SLC6A11: variants seen among roughly 807,000 people sequenced by gnomAD.
The protein encoded by SLC6A11 is sodium- and chloride-dependent GABA transporter 3.
A neutral mutation model predicts 74.8 loss-of-function variants in SLC6A11; 25 were observed. The observed-to-expected ratio is 0.33, with a 90% CI of 0.24 to 0.47. The LOEUF (loss-of-function observed/expected upper bound fraction) is 0.47. Ranked by LOEUF, SLC6A11 falls within the 20% of genes least tolerant of loss-of-function variation. The probability of loss-of-function intolerance (pLI) is 1.00; values close to 1 mark genes in which losing one functional copy is unlikely to be tolerated. For missense variants in SLC6A11, 574 were observed against 837.0 expected (o/e 0.69, Z 3.88); for synonymous variants, 330 against 330.2 (o/e 1.00, Z 0.01).
At position 10,938,367 on chromosome 3, in the gene SLC6A11, A is replaced by G; in HGVS notation, c.1864A>G (p.Ile622Val). 2 of 1,609,974 alleles carry G rather than the reference A, an allele frequency of 1.2e-6. No individual in the cohort carries two copies. The highest frequency in any genetic ancestry group is 8.5e-7 in the Non-Finnish European group (1 of 1,176,756). ...CDAKLKSDGTIAAITEKETHF is the reference protein window; with the variant it reads ...CDAKLKSDGTVAAITEKETHF ...TGCCAAACTCAAGAGTGACGGGACCATCGCAGCCATCACAGAGAAGGAGAC... is the reference window on the plus strand; with the variant it reads ...TGCCAAACTCAAGAGTGACGGGACCGTCGCAGCCATCACAGAGAAGGAGAC... The change falls in exon 14 of 14, where the codon ATC (isoleucine) becomes GTC (valine). Residue 622 changes from isoleucine to valine, a missense_variant. Physicochemically the swap from Ile to Val is conservative, Grantham distance 29. This residue lies in a region of SLC6A11 where 257 missense variants were observed against 341.5 expected (regional missense o/e 0.75). Coordinates refer to ENST00000254488, the MANE Select transcript of SLC6A11 (RefSeq NM_014229.3).
chr3:10,910,552 AG>A (rs1695372783), intron 6 of SLC6A11, among the ~76,000 whole-genome samples: 3 of 152,142 alleles, frequency 2.0e-5, no homozygotes, highest in African/African-American at 7.2e-5. Flanking sequence ...ACTGGTGGTA[AG>A]CAAGCAGAGA....
chr3:10,889,560 G>A (rs971623632), intron 6 of SLC6A11, among the ~76,000 whole-genome samples: 35 of 152,248 alleles, frequency 2.3e-4, no homozygotes, highest in African/African-American at 7.7e-4. Context: ...CTTTTCAGAG[G>A]AGCTTCTGTC....
chr3:10,900,216 G>A (rs1463578745), intron 6 of SLC6A11, among the ~76,000 whole-genome samples: 1 of 152,186 alleles, frequency 6.6e-6, no homozygotes, highest in Non-Finnish European at 1.5e-5. Flanking sequence ...TCGGAGCCAG[G>A]TGTCCTGTCC....
intron 5 of SLC6A11, among the ~76,000 whole-genome samples, chr3:10,858,337 C>G (rs916488927): frequency 6.6e-6 from 1 of 152,148 alleles, no homozygotes; most frequent in Admixed American, 6.5e-5. Context: ...GCTTCTCACT[C>G]GAATAATTAT....
intron 6 of SLC6A11, among the ~76,000 whole-genome samples, chr3:10,901,530 A>T (rs1695240196): frequency 2.0e-5 from 3 of 152,224 alleles, no homozygotes; most frequent in African/African-American, 7.2e-5. Context: ...TTGGCACCAG[A>T]GCGAGAGGCT....
chr3:10,844,315 G>A lies in SLC6A11; in HGVS notation c.725G>A (p.Cys242Tyr), dbSNP rs1412730686. 6.2e-7 allele frequency: 1 copy of A among 1,614,072 alleles called. No homozygotes were observed. Among genetic ancestry groups the A allele is most frequent in the Admixed American group, 1.7e-5 (1 of 60,012 alleles). Residue 242 changes from cysteine (C) to tyrosine (Y), a missense_variant, in exon 5 of 14, where the codon TGT becomes TAT. By Grantham distance (194) the Cys-to-Tyr change is radical. Around this residue, in one of 4 missense-constraint regions of SLC6A11, gnomAD observed 215 missense variants for 357.9 expected, o/e 0.60. Transcript: ENST00000254488. ...GCAGCCTGGACCATCTGTTACTTCT[G>A]TATCTGGAAGGGGACCAAGTCTACA... ...LLAAWTICYF[C>Y]IWKGTKSTGK... is the part of the protein sequence containing the mutation.
At chr3:10,890,013 A>G (rs1235610085) in intron 6 of SLC6A11, among the ~76,000 whole-genome samples, 4 of 152,208 alleles carry the variant, frequency 2.6e-5, no homozygotes, top group African/African-American at 7.2e-5. Flanking sequence ...CATAAACCAC[A>G]TATGTCTATT....
At position 10,816,287 on chromosome 3, in the gene SLC6A11, C is replaced by T; in HGVS notation, c.22C>T (p.Pro8Ser). 1 of 1,384,588 alleles carries T rather than the reference C, an allele frequency of 7.2e-7. No homozygotes were observed. The highest frequency in any genetic ancestry group is 9.3e-7 in the Non-Finnish European group (1 of 1,070,372). The allele number at this position is 1,384,588 out of a possible 1,614,324, so 85.8% of individuals were successfully genotyped here. MTAEKAL[P>S]LGNGKAAEEA... ...GGCCATGACGGCGGAGAAGGCGCTGCCCCTGGGCAATGGGAAGGCTGCTGA... is the reference window on the plus strand; with the variant it reads ...GGCCATGACGGCGGAGAAGGCGCTGTCCCTGGGCAATGGGAAGGCTGCTGA... The change falls in exon 1 of 14, where the codon CCC becomes TCC. Residue 8 changes from proline to serine, a missense_variant. Coordinates refer to ENST00000254488, the MANE Select transcript of SLC6A11 (RefSeq NM_014229.3). The surrounding 1 kb of genome is among the most constrained non-coding windows in gnomAD (Gnocchi z 4.2).
intron 8 of SLC6A11, among the ~76,000 whole-genome samples, chr3:10,919,818 C>G (rs187470845): frequency 2.6e-5 from 4 of 152,238 alleles, no homozygotes; most frequent in East Asian, 3.9e-4. Context: ...TTTTTGCTAC[C>G]CCCATTTTAC....
In SLC6A11 at chr3:10,927,113, C is replaced by T. The variant is rs140288739; in HGVS notation, c.1233+997C>T. ...CCCCACAGCCAGTATATCTGTCAAG[C>T]CAGCCAAGTCCAATTCAATTTCTTC... On this transcript the variant is annotated intron_variant, in intron 9 of 13. Coordinates refer to ENST00000254488, the MANE Select transcript of SLC6A11 (RefSeq NM_014229.3). Among the ~76,000 whole-genome samples, 5 of 152,370 alleles carry T rather than the reference C, an allele frequency of 3.3e-5. No individual in the cohort carries two copies. In the East Asian group the frequency reaches 9.7e-4, roughly 29 times the overall value.
At chr3:10,908,384 G>A (rs1306568716) in intron 6 of SLC6A11, among the ~76,000 whole-genome samples, 1 of 152,166 alleles carries the variant, frequency 6.6e-6, no homozygotes, top group Non-Finnish European at 1.5e-5. Flanking sequence ...TGTCAGAAAA[G>A]GGGAGGATTA....
At chr3:10,908,575 GCCTCCT>G (rs1469978779) in intron 6 of SLC6A11, among the ~76,000 whole-genome samples, 1 of 152,118 alleles carries the variant, frequency 6.6e-6, no homozygotes, top group African/African-American at 2.4e-5. Flanking sequence ...CAAAAGGTGT[GCCTCCT>G]CCAGGCAGCC....
chr3:10,826,640 G>A (rs904286611), intron 4 of SLC6A11, among the ~76,000 whole-genome samples: 3 of 152,146 alleles, frequency 2.0e-5, no homozygotes, highest in African/African-American at 4.8e-5. Flanking sequence ...TCATTGCCAG[G>A]CTATGGAAGG....
At position 10,939,005 on chromosome 3, in the gene SLC6A11, C is replaced by T. The variant is rs1695792935; in HGVS notation, c.*603C>T. The T allele has an allele frequency of 6.6e-6, 1 of 152,414 alleles. No individual in the cohort carries two copies. 9.4% of individuals were successfully genotyped at this position (152,414 alleles called of 1,614,324 possible). On this transcript the variant is annotated 3_prime_UTR_variant, in exon 14 of 14. Transcript: ENST00000254488. ...TGACCTTGGGCACTCCCTTTCCCTC[C>T]CTGGGCCTCAGTTTCCCCATCTCCC...
chr3:10,842,601 C>G (rs1694451793), intron 4 of SLC6A11, among the ~76,000 whole-genome samples: 1 of 152,222 alleles, frequency 6.6e-6, no homozygotes, highest in South Asian at 2.1e-4. Flanking sequence ...TGCCTCCTTT[C>G]TTTCATAAAT....
chr3:10,819,890 G>C, intron 3 of SLC6A11, 38 bp downstream of exon 3: 2 of 1,605,264 alleles, frequency 1.2e-6, no homozygotes, highest in Non-Finnish European at 1.7e-6. Context: ...GGTCCTGCTG[G>C]GTGACCTGGG....
intron 4 of SLC6A11, among the ~76,000 whole-genome samples, chr3:10,840,102 A>C (rs539466362): frequency 3.3e-5 from 5 of 152,044 alleles, no homozygotes; most frequent in African/African-American, 1.2e-4. Flanking sequence ...ACTGTTGACC[A>C]CTTCCCTAGG....
At chr3:10,864,591 C>A (rs1559563988) in intron 5 of SLC6A11, among the ~76,000 whole-genome samples, 1 of 152,058 alleles carries the variant, frequency 6.6e-6, no homozygotes, top group Non-Finnish European at 1.5e-5. Flanking sequence ...GCACTTGGGT[C>A]CCCGGCTTCC....
intron 7 of SLC6A11, among the ~76,000 whole-genome samples, chr3:10,914,168 G>T (rs945968674): frequency 6.6e-6 from 1 of 152,112 alleles, no homozygotes; most frequent in Non-Finnish European, 1.5e-5. Flanking sequence ...ACTTTCACCG[G>T]TGATAGCGTC....
Sources: allele counts gnomAD v4.1 joint callset (sites outside exome capture counted in the v4.1 genomes callset), GRCh38; gene constraint gnomAD v4.1.1; regional missense constraint gnomAD v4.1.1; non-coding constraint Gnocchi (gnomAD v3.1); transcripts MANE v1.5; gene names NCBI Gene and HGNC (gene_info 2026-07-23, HGNC 2026-07-21).